The following DNAH6 variants were observed in gnomAD, a reference collection of about 807,000 sequenced individuals.
DNAH6 encodes dynein axonemal heavy chain 6.
DNAH6 carries 340 observed loss-of-function variants against 491.4 expected under a neutral mutation model. The ratio of observed to expected loss-of-function variants is 0.69; its 90% CI spans 0.63 to 0.76. The LOEUF (loss-of-function observed/expected upper bound fraction) is 0.76. Among genes scored for constraint, DNAH6 ranks in the 30% least tolerant of loss-of-function variants. The pLI is 0.00. For missense variants in DNAH6, 4,443 were observed against 4,972.2 expected (o/e 0.89, Z 3.20); for synonymous variants, 1,603 against 1,686.1 (o/e 0.95, Z 1.21).
chr2:84,567,668 A>G (rs1441875654), intron 11 of DNAH6, among the ~76,000 whole-genome samples: 3 of 152,210 alleles, frequency 2.0e-5, no homozygotes, highest in African/African-American at 7.2e-5. Flanking sequence ...TAAAGATTTA[A>G]ATGTAAAACC....
At chr2:84,510,677 GCT>G in the DNAH6 span, among the ~76,000 whole-genome samples, 2 of 152,088 alleles carry the variant, frequency 1.3e-5, no homozygotes, top group Non-Finnish European at 2.9e-5. Context: ...CAGTTTTTCT[GCT>G]CTGTTTTTTC....
chr2:84,477,928 A>G, the DNAH6 span, among the ~76,000 whole-genome samples: 1 of 152,350 alleles, frequency 6.6e-6, no homozygotes, highest in Non-Finnish European at 1.5e-5. Flanking sequence ...AGTTCTGACA[A>G]CTTCTTTCTG....
intron 32 of DNAH6, among the ~76,000 whole-genome samples, chr2:84,641,150 A>G (rs926742116): frequency 6.6e-6 from 1 of 152,060 alleles, no homozygotes; most frequent in Non-Finnish European, 1.5e-5. Context: ...TCTTGAAACT[A>G]CTGCATCTGG....
At position 84,753,934 on chromosome 2, in the gene DNAH6, C is replaced by T. The variant is rs562313142; in HGVS notation, c.10512+8685C>T. On this transcript the variant is annotated intron_variant, in intron 63 of 76. Transcript: ENST00000389394. ...CCACCTCCCAGGTTCAAGTGATTCT[C>T]CTGCCTCAGCCTCCCAAGTAGCTGG... is the stretch of plus-strand genomic sequence containing the variant. Among the ~76,000 whole-genome samples the T allele has an allele frequency of 2.3e-4, 35 of 150,904 alleles. No homozygotes were observed. The South Asian group carries it at 5.2e-3, about 23-fold the overall frequency.
At chr2:84,666,809 GA>G (rs1484120344) in intron 37 of DNAH6, among the ~76,000 whole-genome samples, 1 of 152,094 alleles carries the variant, frequency 6.6e-6, no homozygotes, top group East Asian at 1.9e-4. Flanking sequence ...TAAGCCAAAG[GA>G]ACAAAGCTGG....
intron 31 of DNAH6, among the ~76,000 whole-genome samples, chr2:84,638,288 G>T (rs1221177351): frequency 6.6e-6 from 1 of 151,964 alleles, no homozygotes; most frequent in African/African-American, 2.4e-5. Flanking sequence ...GGGACTACAG[G>T]TACATGACAC....
At chr2:84,471,315 C>A in the DNAH6 span, among the ~76,000 whole-genome samples, 1 of 152,206 alleles carries the variant, frequency 6.6e-6, no homozygotes, top group Admixed American at 6.5e-5. Flanking sequence ...AATTGCTGCT[C>A]AGTGCTCCAG....
chr2:84,702,573 CG>C (rs1696024617), intron 49 of DNAH6, among the ~76,000 whole-genome samples: 2 of 141,386 alleles, frequency 1.4e-5, no homozygotes, highest in African/African-American at 5.3e-5. Flanking sequence ...GATGGAGTCT[CG>C]CTCTGTCACC....
intron 34 of DNAH6, among the ~76,000 whole-genome samples, chr2:84,654,120 G>C (rs1045209760): frequency 6.6e-6 from 1 of 152,088 alleles, no homozygotes; most frequent in Non-Finnish European, 1.5e-5. Context: ...GAAAGAGAGA[G>C]AGAGAGAGAA....
rs572509763 is a variant in DNAH6, at chr2:84,764,664, C to CTT, written c.10703+1722_10703+1723dup. 2.0e-5 allele frequency among the ~76,000 whole-genome samples: 3 copies of CTT among 152,224 alleles called. No individual in the cohort carries two copies. The South Asian group carries it at 6.2e-4, about 32-fold the overall frequency. ...TCAAGTCCTTTTTTTATAATTTCAA[C>CTT]TTTTAGACTTCTGTGATATTTCATT... On this transcript the variant is annotated intron_variant, in intron 64 of 76. Coordinates refer to ENST00000389394, the MANE Select transcript of DNAH6 (RefSeq NM_001370.2).
At chr2:84,587,035 T>A (rs978436612) in intron 15 of DNAH6, among the ~76,000 whole-genome samples, 25 of 151,976 alleles carry the variant, frequency 1.6e-4, no homozygotes, top group African/African-American at 6.0e-4. Context: ...GTTTGCTGCA[T>A]AGGTTATTTT....
chr2:84,527,056 A>G (rs1676666945), intron 3 of DNAH6, among the ~76,000 whole-genome samples: 1 of 152,138 alleles, frequency 6.6e-6, no homozygotes, highest in Admixed American at 6.6e-5. Context: ...AAAATAAGAA[A>G]GGTATTTATT....
At chr2:84,594,473 T>G (rs1056800843) in intron 17 of DNAH6, among the ~76,000 whole-genome samples, 21 of 152,198 alleles carry the variant, frequency 1.4e-4, no homozygotes, top group African/African-American at 5.1e-4. Context: ...GGAAGCCATT[T>G]TGTTCACTGT....
upstream of DNAH6, among the ~76,000 whole-genome samples, chr2:84,512,961 T>G (rs1675393021): frequency 6.6e-6 from 1 of 152,084 alleles, no homozygotes; most frequent in South Asian, 2.1e-4. Context: ...TTAATCAATT[T>G]CCATTTAATG....
rs1426271506 is a variant in DNAH6 at position 84,677,007 on chromosome 2, T to C, written c.6615T>C (p.Asp2205=). The C allele has an allele frequency of 6.4e-7, 1 of 1,551,738 alleles. No individual in the cohort carries two copies. Among genetic ancestry groups the C allele is most frequent in the African/African-American group, 1.4e-5 (1 of 73,068 alleles). The stretch of plus-strand genomic sequence containing the variant: ...CAAGTGGATTTCTCTGCACACAGGA[T>C]GTAACAATCATATCGGCATGTGCAC... The part of the protein sequence containing the change: ...RNKLFWKEIQ[D]VTIISACAPP... Residue 2205 remains aspartate (D), a splice_region_variant and synonymous_variant, in exon 41 of 77, where the codon GAT becomes GAC. Coordinates refer to ENST00000389394, the MANE Select transcript of DNAH6 (RefSeq NM_001370.2).
chr2:84,808,267 G>C (rs1228108795), intron 71 of DNAH6, 148 bp from the exon 72 acceptor site: 1 of 839,062 alleles, frequency 1.2e-6, no homozygotes, highest in Non-Finnish European at 1.7e-6. Context: ...CTAAATTATA[G>C]AAACATCACA....
chr2:84,520,108 C>G (rs958543977), intron 2 of DNAH6, among the ~76,000 whole-genome samples: 3 of 151,838 alleles, frequency 2.0e-5, no homozygotes, highest in African/African-American at 7.3e-5. Context: ...TGTATTGGTG[C>G]TTATATTCCT....
chr2:84,561,647 C>A (rs555372677), intron 11 of DNAH6, among the ~76,000 whole-genome samples: 5 of 152,116 alleles, frequency 3.3e-5, no homozygotes. Flanking sequence ...GCTCATCTGA[C>A]AAAGGGCTAA....
At chr2:84,571,775 T>A (rs937032081) in intron 11 of DNAH6, among the ~76,000 whole-genome samples, 2 of 144,886 alleles carry the variant, frequency 1.4e-5, no homozygotes, top group Middle Eastern at 3.6e-3. Context: ...AAAAAAAAAA[T>A]TAGCGTGGTG....
Sources: gnomAD v4.1 joint callset for allele counts (sites outside exome capture counted in the v4.1 genomes callset) on GRCh38, gnomAD v4.1.1 for gene constraint, MANE v1.5 for transcripts, NCBI Gene and HGNC (gene_info 2026-07-23, HGNC 2026-07-21) for gene names.